NEGR1: variants seen among roughly 807,000 people sequenced by gnomAD.
NEGR1 encodes the protein IgLON family member 4.
In NEGR1, 10 loss-of-function variants were observed where a neutral mutation model predicts 40.9. The ratio of observed to expected loss-of-function variants is 0.24; its 90% CI spans 0.15 to 0.42. NEGR1 has a LOEUF of 0.42. Among genes scored for constraint, NEGR1 ranks in the 10% least tolerant of loss-of-function variants. The probability of loss-of-function intolerance (pLI) is 1.00; values close to 1 mark genes in which losing one functional copy is unlikely to be tolerated. For synonymous variants in NEGR1, 185 were observed against 166.8 expected, an observed-to-expected ratio of 1.11 and a Z score of -0.84; for missense variants, 352 against 438.9, an observed-to-expected ratio of 0.80 and a Z score of 1.77.
chr1:72,006,725 T>C (rs2100392708), intron 1 of NEGR1, among the ~76,000 whole-genome samples: 1 of 152,158 alleles, frequency 6.6e-6, no homozygotes, highest in Middle Eastern at 3.4e-3. Flanking sequence ...GGTAAATCTC[T>C]ACTGCTAATG....
intron 1 of NEGR1, among the ~76,000 whole-genome samples, chr1:71,959,954 C>A (rs1441141188): frequency 6.6e-6 from 1 of 152,104 alleles, no homozygotes; most frequent in Non-Finnish European, 1.5e-5. Context: ...TTCTGTCACA[C>A]ATTTTTATAC....
At chr1:71,533,639 T>C (rs563645881) in intron 6 of NEGR1, among the ~76,000 whole-genome samples, 7 of 151,786 alleles carry the variant, frequency 4.6e-5, no homozygotes, top group Admixed American at 2.0e-4. Flanking sequence ...GGAATATCAA[T>C]ATAATTTTCC....
At chr1:72,195,808 C>T (rs543858815) in intron 1 of NEGR1, among the ~76,000 whole-genome samples, 5 of 152,082 alleles carry the variant, frequency 3.3e-5, no homozygotes, top group Non-Finnish European at 7.4e-5. Context: ...GTGGCCATTA[C>T]ATTATAAGGT....
At chr1:72,143,926 T>TA (rs987536049) in intron 1 of NEGR1, among the ~76,000 whole-genome samples, 1 of 121,122 alleles carries the variant, frequency 8.3e-6, no homozygotes, top group Non-Finnish European at 1.8e-5. Flanking sequence ...TATATATATA[T>TA]ATATATATAT....
At chr1:72,187,188 T>C (rs1165796372) in intron 1 of NEGR1, among the ~76,000 whole-genome samples, 3 of 151,452 alleles carry the variant, frequency 2.0e-5, no homozygotes, top group African/African-American at 7.3e-5. Flanking sequence ...TCTTCATTCT[T>C]AGCAAGTTAC....
chr1:71,568,141 C>T (rs1199957869), intron 6 of NEGR1, among the ~76,000 whole-genome samples: 1 of 152,130 alleles, frequency 6.6e-6, no homozygotes, highest in Non-Finnish European at 1.5e-5. Context: ...AGAGAAAAGA[C>T]TTGTTTATTG....
intron 1 of NEGR1, among the ~76,000 whole-genome samples, chr1:72,045,916 G>T (rs1421520123): frequency 6.6e-6 from 1 of 151,728 alleles, no homozygotes; most frequent in Non-Finnish European, 1.5e-5. Flanking sequence ...TTGTAAAACT[G>T]TTAGGAAATA....
At chr1:71,995,186 G>C (rs981590862) in intron 1 of NEGR1, among the ~76,000 whole-genome samples, 18 of 152,106 alleles carry the variant, frequency 1.2e-4, no homozygotes, top group African/African-American at 4.1e-4. Flanking sequence ...GAGGATTTGA[G>C]AGCTGGCATT....
intron 2 of NEGR1, among the ~76,000 whole-genome samples, chr1:71,810,964 A>G (rs1245311081): frequency 6.6e-6 from 1 of 152,138 alleles, no homozygotes; most frequent in Non-Finnish European, 1.5e-5. Context: ...ATTCTTGTTT[A>G]TTAAGGTATA....
chr1:72,127,179 C>A (rs1211749703), intron 1 of NEGR1, among the ~76,000 whole-genome samples: 2 of 152,098 alleles, frequency 1.3e-5, no homozygotes, highest in African/African-American at 2.4e-5. Flanking sequence ...TGCGGCCAGG[C>A]GCGGTGGCTC....
At chr1:71,501,429 A>G (rs1401302833) in intron 6 of NEGR1, among the ~76,000 whole-genome samples, 1 of 152,202 alleles carries the variant, frequency 6.6e-6, no homozygotes, top group East Asian at 1.9e-4. Context: ...AATATTGATG[A>G]TAGACCCAAA....
chr1:72,075,307 A>G (rs1367517711), intron 1 of NEGR1, among the ~76,000 whole-genome samples: 1 of 152,114 alleles, frequency 6.6e-6, no homozygotes, highest in Non-Finnish European at 1.5e-5. Flanking sequence ...ATTTAAAGGC[A>G]TGCTTACCCA....
chr1:71,429,863 G>A (rs998514013), intron 6 of NEGR1, among the ~76,000 whole-genome samples: 2 of 152,094 alleles, frequency 1.3e-5, no homozygotes, highest in African/African-American at 4.8e-5. Context: ...ATACTTTATG[G>A]ATTACCCATA....
intron 1 of NEGR1, among the ~76,000 whole-genome samples, chr1:72,151,485 G>A (rs1278052569): frequency 6.6e-6 from 1 of 151,158 alleles, no homozygotes; most frequent in African/African-American, 2.4e-5. Flanking sequence ...TATGTATAGC[G>A]ACACCCCCAC....
chr1:72,036,755 ATC>A (rs1414071582), intron 1 of NEGR1, among the ~76,000 whole-genome samples: 1 of 151,944 alleles, frequency 6.6e-6, no homozygotes, highest in Non-Finnish European at 1.5e-5. Flanking sequence ...GTTTTTACTG[ATC>A]TTTAACTTTA....
At chr1:71,410,583 T>C (rs1177671647) in intron 6 of NEGR1, among the ~76,000 whole-genome samples, 21 of 152,162 alleles carry the variant, frequency 1.4e-4, no homozygotes, top group Admixed American at 1.4e-3. Context: ...CAGTTACAAA[T>C]ACAATTATTT....
chr1:72,175,724 C>A (rs973251544), intron 1 of NEGR1, among the ~76,000 whole-genome samples: 2 of 151,758 alleles, frequency 1.3e-5, no homozygotes, highest in Admixed American at 1.3e-4. Flanking sequence ...CAATATTCTC[C>A]ATCTGTAAGA....
At chr1:71,441,861 C>A (rs980924981) in intron 6 of NEGR1, among the ~76,000 whole-genome samples, 1 of 152,054 alleles carries the variant, frequency 6.6e-6, no homozygotes, top group Non-Finnish European at 1.5e-5. Flanking sequence ...GGAAACCCTG[C>A]AAAATTATAG....
intron 1 of NEGR1, among the ~76,000 whole-genome samples, chr1:72,257,702 T>G (rs2100540784): frequency 1.3e-5 from 2 of 152,322 alleles, no homozygotes; most frequent in Middle Eastern, 6.8e-3. Context: ...TACACGTCTC[T>G]TTTGTGACCT....
Sources: allele counts gnomAD v4.1 joint callset (sites outside exome capture counted in the v4.1 genomes callset), GRCh38; gene constraint gnomAD v4.1.1; transcripts MANE v1.5; gene names NCBI Gene and HGNC (gene_info 2026-07-23, HGNC 2026-07-21).